COPB1: variants seen among roughly 807,000 people sequenced by gnomAD.
COPB1 encodes coatomer subunit beta.
In COPB1, 21 loss-of-function variants were observed where a neutral mutation model predicts 108.7. That is an observed-to-expected ratio of 0.19 (90% CI 0.14 to 0.28). COPB1 has a LOEUF of 0.28. Among genes scored for constraint, COPB1 ranks in the 10% least tolerant of loss-of-function variants. COPB1 has a pLI of 1.00. For synonymous variants in COPB1, 378 were observed against 386.8 expected (o/e 0.98, Z 0.27); for missense variants, 919 against 1,141.3 (o/e 0.81, Z 2.81).
At chr11:14,484,650 G>A (rs1015129466) in intron 7 of COPB1, among the ~76,000 whole-genome samples, 4 of 152,102 alleles carry the variant, frequency 2.6e-5, no homozygotes, top group Admixed American at 6.6e-5. Flanking sequence ...TCTGGGAGGC[G>A]GAGGTTGCAG....
chr11:14,475,993 G>A (rs1850512544), intron 12 of COPB1, 48 bp from the exon 13 acceptor site: 1 of 1,429,482 alleles, frequency 7.0e-7, no homozygotes, highest in Non-Finnish European at 9.4e-7. Context: ...TCAACAGCAA[G>A]CAAAATTATC....
rs2134096427 is a variant in COPB1, at chr11:14,464,992, G to C, written c.2329C>G (p.Leu777Val). 1 of 1,613,102 alleles carries C rather than the reference G, an allele frequency of 6.2e-7. No individual in the cohort carries two copies. Among genetic ancestry groups the C allele is most frequent in the Non-Finnish European group, 8.5e-7 (1 of 1,179,576 alleles). Residue 777 changes from leucine (L) to valine (V), a missense_variant, in exon 18 of 22, where the codon CTT becomes GTT. Physicochemically the swap from Leu to Val is conservative, Grantham distance 32. Around this residue, in one of 5 missense-constraint regions of COPB1, gnomAD observed 705 missense variants for 817.8 expected, o/e 0.86. Transcript: ENST00000439561. ...ATATTTGCGAAGTCATGAGGAGCAA[G>C]AGTCAAAGGAGACGGCTTTTCCACA... ...KLVEKPSPLT[L>V]APHDFANIKA...
chr11:14,460,919 T>C (rs190533884), intron 19 of COPB1, among the ~76,000 whole-genome samples: 2 of 152,326 alleles, frequency 1.3e-5, no homozygotes, highest in African/African-American at 2.4e-5. Flanking sequence ...CTCTTGGTCA[T>C]ACATAGAAGG....
At chr11:14,483,226 C>G (rs1243372865) in intron 7 of COPB1, 75 bp from the exon 8 acceptor site, 1 of 831,452 alleles carries the variant, frequency 1.2e-6, no homozygotes, top group Non-Finnish European at 1.7e-6. Flanking sequence ...TGCGCGCGCA[C>G]ACCACACACA....
chr11:14,464,550 T>C (rs1850236408), intron 18 of COPB1, among the ~76,000 whole-genome samples: 1 of 152,176 alleles, frequency 6.6e-6, no homozygotes, highest in Admixed American at 6.5e-5. Flanking sequence ...TCAGGTAAAA[T>C]ATTATCCTTT....
At position 14,486,518 on chromosome 11, in the gene COPB1, C is replaced by T. The variant is rs749896641; in HGVS notation, c.700-14G>A. 27 of 1,610,602 alleles carry T rather than the reference C, an allele frequency of 1.7e-5. No homozygotes were observed. Among genetic ancestry groups the T allele is most frequent in the African/African-American group, 2.7e-5 (2 of 74,820 alleles). On this transcript the variant is annotated splice_polypyrimidine_tract_variant and intron_variant, in intron 6 of 21. Transcript: ENST00000439561. Reference sequence around the variant, plus strand: ...AGCATGACAGACCTGGAGAAGAAAACATTAACATTTCAACCGATTTCAGGA... The same window carrying T: ...AGCATGACAGACCTGGAGAAGAAAATATTAACATTTCAACCGATTTCAGGA...
chr11:14,461,846 C>T lies in COPB1; in HGVS notation c.2411-515G>A, dbSNP rs551784551. ...TTAATGGGGAATTGCTTCCAGGACC[C>T]CCTATGGATACCAAAATCTACAGAT... On this transcript the variant is annotated intron_variant, in intron 18 of 21. Transcript: ENST00000439561. Among the ~76,000 whole-genome samples, 274 of 152,288 alleles carry T rather than the reference C, an allele frequency of 1.8e-3. 1 individual carries two copies. The highest frequency in any genetic ancestry group is 6.2e-3 in the African/African-American group (259 of 41,556).
Position 14,469,450 on chromosome 11 carries a change from G to A in COPB1, c.1851C>T (p.Leu617=). ...DDDVDRISLC[L]KVLSECSPLM... ...AAGGTGAACATTCAGACAAGACCTT[G>A]AGGCACAGGGAAATTCGATCCACAT... The change falls in exon 15 of 22, where the codon CTC becomes CTT. Residue 617 remains leucine, a synonymous_variant. Coordinates refer to ENST00000439561, the MANE Select transcript of COPB1 (RefSeq NM_001144061.2). 6.2e-7 allele frequency: 1 copy of A among 1,614,194 alleles called. No homozygotes were observed. Among genetic ancestry groups the A allele is most frequent in the Non-Finnish European group, 8.5e-7 (1 of 1,180,026 alleles).
At chr11:14,469,189 GGCTTGCTATGTA>G (rs2134100627) in intron 15 of COPB1, 135 bp downstream of exon 15, 1 of 690,076 alleles carries the variant, frequency 1.4e-6, no homozygotes, top group East Asian at 2.5e-5. Context: ...TTGAGACAGG[GGCTTGCTATGTA>G]GCCCACACTG....
At chr11:14,477,211 G>A (rs959949058) in intron 11 of COPB1, among the ~76,000 whole-genome samples, 196 bp from the exon 12 acceptor site, 5 of 150,990 alleles carry the variant, frequency 3.3e-5, no homozygotes, top group African/African-American at 7.3e-5. Context: ...GTGAAATCAC[G>A]TCTCTACTAA....
At position 14,482,367 on chromosome 11, in the gene COPB1, G is replaced by A. The variant is rs558735319; in HGVS notation, c.957+665C>T. 1.2e-4 allele frequency among the ~76,000 whole-genome samples: 18 copies of A among 152,152 alleles called. No individual in the cohort carries two copies. In the South Asian group the frequency reaches 3.7e-3, roughly 32 times the overall value. On this transcript the variant is annotated intron_variant, in intron 8 of 21. Transcript: ENST00000439561. ...TTATTCTCATGGATTAAACAAATAT[G>A]GTGATAATTTTCTAGAATCAGATCA...
chr11:14,474,546 G>A lies in COPB1; in HGVS notation c.1686C>T (p.Thr562=), dbSNP rs1279284491. 6.2e-7 allele frequency: 1 copy of A among 1,613,982 alleles called. No homozygotes were observed. The highest frequency in any genetic ancestry group is 2.2e-5 in the East Asian group (1 of 44,878). Residue 562 remains threonine, a synonymous_variant, in exon 14 of 22, where the codon ACC becomes ACT. Transcript: ENST00000439561. ...FVAASLATTL[T]KIALRYVALV... ...AAGCTACATAGCGCAATGCAATCTT[G>A]GTCAGAGTTGTGGCAAGGGAGGCAG...
rs1308248346 is a variant in COPB1, at chr11:14,471,752, C to T, written c.1738-2189G>A. The stretch of plus-strand genomic sequence containing the variant: ...GGTCAACATGGTGAAACCCCAGTCT[C>T]TACTAAAAATACAAAAAAAATTAGA... On this transcript the variant is annotated intron_variant, in intron 14 of 21. Transcript: ENST00000439561. Among the ~76,000 whole-genome samples the T allele has an allele frequency of 2.6e-5, 4 of 152,226 alleles. No homozygotes were observed. In the East Asian group the frequency reaches 7.7e-4, roughly 29 times the overall value.
At chr11:14,476,762 C>CTT (rs10612229) in intron 12 of COPB1, among the ~76,000 whole-genome samples, 157 bp downstream of exon 12, 8 of 131,000 alleles carry the variant, frequency 6.1e-5, no homozygotes, top group South Asian at 2.5e-4. Flanking sequence ...GCTACTGCTT[C>CTT]TTTTTTTTTT....
chr11:14,472,088 A>G (rs1173235073), intron 14 of COPB1, among the ~76,000 whole-genome samples: 2 of 152,208 alleles, frequency 1.3e-5, no homozygotes, highest in Non-Finnish European at 2.9e-5. Context: ...CCCAATTTGA[A>G]TGTCAGAAAT....
rs1589961263 is a variant in COPB1, at chr11:14,479,465, G to T, written c.1358+104C>A. On this transcript the variant is annotated intron_variant, in intron 11 of 21. Coordinates refer to ENST00000439561, the MANE Select transcript of COPB1 (RefSeq NM_001144061.2). Reference sequence around the variant, plus strand: ...TGTTGTACAAACTTGTCTTATTTTGGCTTGATTGTCCTCTCCATTCTATTT... The same window carrying T: ...TGTTGTACAAACTTGTCTTATTTTGTCTTGATTGTCCTCTCCATTCTATTT... The T allele has an allele frequency of 3.7e-6, 4 of 1,090,912 alleles. No homozygotes were observed. In the East Asian group the frequency reaches 7.5e-5, roughly 20 times the overall value. 67.6% of individuals were successfully genotyped at this position (1,090,912 alleles called of 1,614,324 possible).
chr11:14,493,780 C>A lies in COPB1; in HGVS notation c.353G>T (p.Gly118Val). The part of the protein sequence containing the change: ...DLQHPNEFIR[G>V]STLRFLCKLK... The stretch of plus-strand genomic sequence containing the variant: ...TTTGCAAAGAAAACGAAGAGTAGAT[C>A]CTCGAATAAATTCATTAGGATGTTG... Residue 118 changes from glycine to valine, a missense_variant, in exon 4 of 22, where the codon GGA becomes GTA. Gly to Val is a moderately radical substitution (Grantham distance 109, BLOSUM62 -3). Transcript: ENST00000439561. 6.2e-6 allele frequency: 10 copies of A among 1,610,392 alleles called. No individual in the cohort carries two copies. Among genetic ancestry groups the A allele is most frequent in the Non-Finnish European group, 8.5e-6 (10 of 1,178,560 alleles).
At chr11:14,478,764 G>C (rs917453832) in intron 11 of COPB1, 10 of 151,752 alleles carry the variant, frequency 6.6e-5, no homozygotes, top group African/African-American at 2.2e-4. Flanking sequence ...CAATTCTTTA[G>C]TTTAAAATGT....
At chr11:14,461,085 T>C in intron 19 of COPB1, 101 bp downstream of exon 19, 1 of 1,448,572 alleles carries the variant, frequency 6.9e-7, no homozygotes. Context: ...GCTTTTCATG[T>C]TAAACACTTT....
Sources: allele counts gnomAD v4.1 joint callset (sites outside exome capture counted in the v4.1 genomes callset), GRCh38; gene constraint gnomAD v4.1.1; regional missense constraint gnomAD v4.1.1; transcripts MANE v1.5; gene names NCBI Gene and HGNC (gene_info 2026-07-23, HGNC 2026-07-21).